RAB9B: variants seen among roughly 807,000 people sequenced by gnomAD.
RAB9B encodes RAB9B, member RAS oncogene family.
A neutral mutation model predicts 8.9 loss-of-function variants in RAB9B; 1 was observed. That is an observed-to-expected ratio of 0.11 (90% CI 0.04 to 0.53). RAB9B has a LOEUF of 0.53. Among genes scored for constraint, RAB9B ranks in the 20% least tolerant of loss-of-function variants. The pLI is 0.93. For missense variants in RAB9B, 82 were observed against 152.9 expected, an observed-to-expected ratio of 0.54 and a Z score of 2.45; for synonymous variants, 63 against 57.0, an observed-to-expected ratio of 1.10 and a Z score of -0.47.
At chrX:103,820,374 C>A (rs2074654736), downstream of RAB9B, among the ~76,000 whole-genome samples, 1 of 111,979 alleles carries the variant, frequency 8.9e-6, no homozygotes, top group South Asian at 3.7e-4. Flanking sequence ...GCAAGATCTA[C>A]TTTGGGTAAT....
chrX:103,813,543 A>G, the RAB9B span, among the ~76,000 whole-genome samples: 1 of 108,457 alleles, frequency 9.2e-6, no homozygotes, highest in East Asian at 2.9e-4. Flanking sequence ...GCTCACTGCA[A>G]CCTCCGTCTT....
At chrX:103,800,961 C>A in the RAB9B span, among the ~76,000 whole-genome samples, 1 of 111,692 alleles carries the variant, frequency 9.0e-6, no homozygotes, top group Admixed American at 9.5e-5. Context: ...AATGCATATA[C>A]CATACACCTT....
At chrX:103,776,915 C>T in the RAB9B span, 1 of 947,804 alleles carries the variant, frequency 1.1e-6, no homozygotes. Context: ...GCTGGAGAGA[C>T]CAGGATCCTT....
the RAB9B span, among the ~76,000 whole-genome samples, chrX:103,815,709 C>T: frequency 8.9e-6 from 1 of 112,088 alleles, no homozygotes; most frequent in Non-Finnish European, 1.9e-5. Flanking sequence ...AAAATCTTCT[C>T]AAGCTGATGA....
At chrX:103,814,656 T>C in the RAB9B span, among the ~76,000 whole-genome samples, 1 of 111,447 alleles carries the variant, frequency 9.0e-6, no homozygotes, top group Non-Finnish European at 1.9e-5. Context: ...GGAGGTGTTT[T>C]TTTGAAAAGA....
At chrX:103,777,922 T>C in the RAB9B span, among the ~76,000 whole-genome samples, 4 of 112,530 alleles carry the variant, frequency 3.6e-5, no homozygotes, top group Non-Finnish European at 5.6e-5. Flanking sequence ...AGTTGCCCCA[T>C]GTATTCCCTA....
At chrX:103,783,361 T>A in the RAB9B span, among the ~76,000 whole-genome samples, 3 of 112,624 alleles carry the variant, frequency 2.7e-5, no homozygotes, top group Non-Finnish European at 5.6e-5. Context: ...AGATTGCTTC[T>A]TATAGAGGCC....
the RAB9B span, chrX:103,786,280 CCT>C: frequency 1.8e-6 from 2 of 1,088,155 alleles, no homozygotes; most frequent in Non-Finnish European, 2.5e-6. Context: ...TCACATACAC[CCT>C]GTCTTCACTT....
chrX:103,790,763 T>C, the RAB9B span: 1 of 503,852 alleles, frequency 2.0e-6, no homozygotes, highest in Non-Finnish European at 3.6e-6. Flanking sequence ...GGTCTCTCTT[T>C]GGACTCTCCC....
At chrX:103,798,939 C>A in the RAB9B span, among the ~76,000 whole-genome samples, 3 of 107,420 alleles carry the variant, frequency 2.8e-5, no homozygotes, top group East Asian at 8.6e-4. Flanking sequence ...CGAGCCCGAC[C>A]CAAACTAAAA....
chrX:103,812,787 A>G, the RAB9B span, among the ~76,000 whole-genome samples: 1 of 110,318 alleles, frequency 9.1e-6, no homozygotes, highest in Non-Finnish European at 1.9e-5. Flanking sequence ...CTTTGCTTAA[A>G]ACCAAACCTT....
At chrX:103,784,182 C>T in the RAB9B span, among the ~76,000 whole-genome samples, 899 of 111,489 alleles carry the variant, frequency 8.1e-3, 6 homozygotes, top group African/African-American at 0.028. Flanking sequence ...GTGTGCCTCT[C>T]CTGTTTCTCA....
the RAB9B span, chrX:103,791,720 G>T: frequency 8.9e-6 from 1 of 112,507 alleles, no homozygotes; most frequent in Non-Finnish European, 1.9e-5. Context: ...GAAATGTCTG[G>T]AGAATAATTC....
At chrX:103,828,845 T>G (rs2074693118) in intron 1 of RAB9B, among the ~76,000 whole-genome samples, 1 of 112,120 alleles carries the variant, frequency 8.9e-6, no homozygotes, top group Non-Finnish European at 1.9e-5. Flanking sequence ...AGCAATGTGG[T>G]TCAGTGTCAA....
the RAB9B span, among the ~76,000 whole-genome samples, chrX:103,783,548 GTC>G: frequency 8.9e-6 from 1 of 112,196 alleles, no homozygotes; most frequent in East Asian, 2.8e-4. Context: ...CTCCTTTTGT[GTC>G]TCTGAGAACA....
At chrX:103,781,344 G>A in the RAB9B span, 2 of 317,302 alleles carry the variant, frequency 6.3e-6, no homozygotes, top group South Asian at 2.8e-5. Context: ...CTGTCAGACC[G>A]CTGTGAAGAG....
the RAB9B span, chrX:103,785,799 C>A: frequency 1.6e-5 from 18 of 1,120,102 alleles, no homozygotes; most frequent in Non-Finnish European, 1.8e-5. Flanking sequence ...ACAGACCCAT[C>A]TTTTTTTTCC....
At chrX:103,788,348 G>C in the RAB9B span, 4 of 667,650 alleles carry the variant, frequency 6.0e-6, no homozygotes, top group Non-Finnish European at 1.0e-5. Context: ...AGGATAATTA[G>C]AGATGGAAGA....
intron 1 of RAB9B, among the ~76,000 whole-genome samples, chrX:103,831,252 A>G (rs1602404389): frequency 9.1e-6 from 1 of 109,827 alleles, no homozygotes; most frequent in Non-Finnish European, 1.9e-5. Flanking sequence ...ATACAACCCA[A>G]TACTTGGCGT....
Sources: allele counts gnomAD v4.1 joint callset (sites outside exome capture counted in the v4.1 genomes callset), GRCh38; gene constraint gnomAD v4.1.1; transcripts MANE v1.5; gene names NCBI Gene and HGNC (gene_info 2026-07-23, HGNC 2026-07-21).